DPF3: variants seen among roughly 807,000 people sequenced by gnomAD.
The protein encoded by DPF3 is zinc finger protein DPF3.
Under a neutral mutation model 56.8 loss-of-function variants are expected in DPF3, and 18 were observed. That is an observed-to-expected ratio of 0.32 (90% CI 0.22 to 0.47). The LOEUF (loss-of-function observed/expected upper bound fraction) is 0.47, where lower values mean the gene tolerates loss of function less well. Ranked by LOEUF, DPF3 falls within the 20% of genes least tolerant of loss-of-function variation. The pLI is 1.00. For missense variants in DPF3, 403 were observed against 488.8 expected, an observed-to-expected ratio of 0.82 and a Z score of 1.65; for synonymous variants, 188 against 180.2, an observed-to-expected ratio of 1.04 and a Z score of -0.35.
intron 1 of DPF3, among the ~76,000 whole-genome samples, chr14:72,842,546 T>C (rs1330767957): frequency 6.6e-6 from 1 of 152,002 alleles, no homozygotes; most frequent in African/African-American, 2.4e-5. Flanking sequence ...TGGGATGGGG[T>C]AGGGAGCGTT....
At chr14:72,791,635 G>A (rs1892436164) in intron 1 of DPF3, among the ~76,000 whole-genome samples, 1 of 152,236 alleles carries the variant, frequency 6.6e-6, no homozygotes, top group African/African-American at 2.4e-5. Context: ...CGCCATCACA[G>A]CTTCAAAATC....
At chr14:72,695,778 A>T (rs1887875654) in intron 6 of DPF3, among the ~76,000 whole-genome samples, 1 of 152,226 alleles carries the variant, frequency 6.6e-6, no homozygotes, top group Admixed American at 6.5e-5. Flanking sequence ...TGGGTTTAAT[A>T]GAAGCCCAAA....
chr14:72,680,617 C>G (rs1413870339), intron 7 of DPF3, among the ~76,000 whole-genome samples: 1 of 152,252 alleles, frequency 6.6e-6, no homozygotes, highest in Non-Finnish European at 1.5e-5. Context: ...GCGCTGAGGC[C>G]AGGGCTGCTG....
intron 2 of DPF3, among the ~76,000 whole-genome samples, chr14:72,756,649 T>C (rs1890802253): frequency 6.6e-6 from 1 of 151,642 alleles, no homozygotes; most frequent in Non-Finnish European, 1.5e-5. Context: ...CTCATCTCTA[T>C]CAAAAATACA....
At chr14:72,719,610 TCA>T (rs1050342488) in intron 5 of DPF3, among the ~76,000 whole-genome samples, 1 of 152,182 alleles carries the variant, frequency 6.6e-6, no homozygotes, top group Non-Finnish European at 1.5e-5. Flanking sequence ...CATGGATGAC[TCA>T]CAAGAATCTC....
intron 1 of DPF3, among the ~76,000 whole-genome samples, chr14:72,786,599 A>G (rs1482832150): frequency 6.6e-6 from 1 of 152,196 alleles, no homozygotes; most frequent in Admixed American, 6.5e-5. Context: ...TTTACAGAAA[A>G]AGTTTGCCGA....
At chr14:72,635,001 T>C (rs908185858) in intron 8 of DPF3, among the ~76,000 whole-genome samples, 1 of 152,190 alleles carries the variant, frequency 6.6e-6, no homozygotes. Context: ...GAGCATTCAG[T>C]AAATCTCCTG....
chr14:72,725,726 T>G (rs1857308567), intron 4 of DPF3, among the ~76,000 whole-genome samples: 1 of 152,052 alleles, frequency 6.6e-6, no homozygotes, highest in Non-Finnish European at 1.5e-5. Flanking sequence ...TTAAGCCGCC[T>G]CCTGGATGAC....
Position 72,613,933 on chromosome 14 carries a change from G to T in DPF3, c.*5364C>A, listed in dbSNP as rs1361857832. On this transcript the variant is annotated 3_prime_UTR_variant, in exon 11 of 11. Transcript: ENST00000556509. ...GGTTGTCTATCCTCCCACATCCCGG[G>T]TGCCCAGCAGGAAGCACCCCCATCT... Among the ~76,000 whole-genome samples, 1 of 152,082 alleles carries T rather than the reference G, an allele frequency of 6.6e-6. No homozygotes were observed. Among genetic ancestry groups the T allele is most frequent in the African/African-American group, 2.4e-5 (1 of 41,414 alleles).
At chr14:72,726,242 TG>T (rs1442691909) in intron 4 of DPF3, among the ~76,000 whole-genome samples, 1 of 152,220 alleles carries the variant, frequency 6.6e-6, no homozygotes, top group Non-Finnish European at 1.5e-5. Flanking sequence ...CACTTAATCA[TG>T]GTAAGTTCCA....
chr14:72,653,403 C>T lies in DPF3; in HGVS notation c.871+20837G>A, dbSNP rs576845524. 5.3e-5 allele frequency among the ~76,000 whole-genome samples: 8 copies of T among 152,312 alleles called. No homozygotes were observed. In the South Asian group the frequency reaches 6.2e-4, roughly 12 times the overall value. On this transcript the variant is annotated intron_variant, in intron 8 of 10. Transcript: ENST00000556509. ...CACCTCTTTCGGCCTCAGGGGCCAG[C>T]GAGGAGCCTACCGACAAGGTGAGGT... is the stretch of plus-strand genomic sequence containing the variant.
intron 1 of DPF3, among the ~76,000 whole-genome samples, chr14:72,784,476 T>G (rs968243156): frequency 6.6e-6 from 1 of 152,184 alleles, no homozygotes. Flanking sequence ...CAAAAAATAC[T>G]GGGGAGCTTG....
At chr14:72,866,687 T>G (rs1284693454) in intron 1 of DPF3, among the ~76,000 whole-genome samples, 1 of 149,270 alleles carries the variant, frequency 6.7e-6, no homozygotes, top group Non-Finnish European at 1.5e-5. Context: ...AGAAACCCCA[T>G]CTCTACTAAA....
chr14:72,858,044 C>A (rs1237922668), intron 1 of DPF3, among the ~76,000 whole-genome samples: 1 of 151,934 alleles, frequency 6.6e-6, no homozygotes, highest in Non-Finnish European at 1.5e-5. Flanking sequence ...GTGGCTCATG[C>A]CTGTAATCCC....
intron 1 of DPF3, among the ~76,000 whole-genome samples, chr14:72,870,652 T>A (rs183820132): frequency 1.5e-3 from 223 of 152,378 alleles, no homozygotes; most frequent in African/African-American, 5.1e-3. Flanking sequence ...ACTTCTTTCT[T>A]CTAGGAAAAC....
chr14:72,874,953 T>C (rs994881445), intron 1 of DPF3, among the ~76,000 whole-genome samples: 3 of 152,332 alleles, frequency 2.0e-5, no homozygotes, highest in Middle Eastern at 3.4e-3. Flanking sequence ...AGAGTTTTAA[T>C]TGGACTTACA....
Position 72,661,854 on chromosome 14 carries a change from CTTTTTTTTTTTTT to C in DPF3, c.871+12373_871+12385del, listed in dbSNP as rs60114618. 3 of 699,802 alleles carry C rather than the reference CTTTTTTTTTTTTT, an allele frequency of 4.3e-6. No homozygotes were observed. The African/African-American group carries it at 7.5e-5, about 17-fold the overall frequency. The allele number at this position is 699,802 out of a possible 1,614,324, so 43.3% of individuals were successfully genotyped here. On this transcript the variant is annotated intron_variant, in intron 8 of 10. Coordinates refer to ENST00000556509, the MANE Select transcript of DPF3 (RefSeq NM_001280542.3). ...ACCTCAGCTGATGCTTTTATTTTTGCTTTTTTTTTTTTTTTTTTTTTGCTGCATTATTTTAAAC... is the reference window on the plus strand; with the variant it reads ...ACCTCAGCTGATGCTTTTATTTTTGCTTTTTTTTGCTGCATTATTTTAAAC...
Position 72,613,882 on chromosome 14 carries a change from G to T in DPF3, c.*5415C>A, listed in dbSNP as rs1480881168. On this transcript the variant is annotated 3_prime_UTR_variant, in exon 11 of 11. Coordinates refer to ENST00000556509, the MANE Select transcript of DPF3 (RefSeq NM_001280542.3). ...GGGACAGCTGCTGAGAGGCTCTAAG[G>T]CAGTTCCCACTCGCTCTGCCTGGGA... Among the ~76,000 whole-genome samples the T allele has an allele frequency of 1.3e-5, 2 of 152,172 alleles. No homozygotes were observed. The highest frequency in any genetic ancestry group is 2.9e-5 in the Non-Finnish European group (2 of 68,032).
intron 1 of DPF3, among the ~76,000 whole-genome samples, chr14:72,819,536 G>A (rs1436457978): frequency 6.6e-6 from 1 of 151,496 alleles, no homozygotes; most frequent in Non-Finnish European, 1.5e-5. Context: ...TACTGCATTG[G>A]TATCAGGACT....
Sources: allele counts gnomAD v4.1 joint callset (sites outside exome capture counted in the v4.1 genomes callset), GRCh38; gene constraint gnomAD v4.1.1; transcripts MANE v1.5; gene names NCBI Gene and HGNC (gene_info 2026-07-23, HGNC 2026-07-21).